Variants in B3GALT1 observed in about 807,000 individuals in gnomAD.
The protein encoded by B3GALT1 is beta-1,3-galactosyltransferase 1, also known as UDP-Gal:betaGlcNAc beta 1,3-galactosyltransferase, polypeptide 1.
In B3GALT1, 10 loss-of-function variants were observed where a neutral mutation model predicts 23.2. The ratio of observed to expected loss-of-function variants is 0.43; its 90% CI spans 0.27 to 0.73. B3GALT1 has a LOEUF of 0.73. B3GALT1 is among the 30% of genes least tolerant of loss of function. The pLI, the probability that B3GALT1 is intolerant of heterozygous loss-of-function variation, is 0.21. For synonymous variants in B3GALT1, 156 were observed against 141.5 expected (o/e 1.10, Z -0.73); for missense variants, 299 against 405.4 (o/e 0.74, Z 2.25).
intron 2 of B3GALT1, among the ~76,000 whole-genome samples, chr2:167,643,364 C>T (rs1217235003): frequency 1.3e-5 from 2 of 152,122 alleles, no homozygotes; most frequent in African/African-American, 4.8e-5. Context: ...AAAGCCATCA[C>T]AACTGTGGTT....
intron 3 of B3GALT1, among the ~76,000 whole-genome samples, chr2:167,718,530 C>T (rs547827941): frequency 6.6e-6 from 1 of 152,250 alleles, no homozygotes; most frequent in East Asian, 1.9e-4. Flanking sequence ...AGGTTCATGG[C>T]TGAGACTCCT....
At chr2:167,713,508 A>T (rs1406397874) in intron 3 of B3GALT1, among the ~76,000 whole-genome samples, 1 of 152,160 alleles carries the variant, frequency 6.6e-6, no homozygotes, top group Non-Finnish European at 1.5e-5. Context: ...TCATGTTTAA[A>T]CCATCTTTAT....
At chr2:167,856,569 T>C (rs1321813946) in intron 4 of B3GALT1, among the ~76,000 whole-genome samples, 5 of 151,930 alleles carry the variant, frequency 3.3e-5, no homozygotes, top group African/African-American at 1.2e-4. Flanking sequence ...CAGAAGGACA[T>C]GAGGGTGCAG....
chr2:167,689,681 CAG>C (rs1250615869), intron 3 of B3GALT1, among the ~76,000 whole-genome samples: 2 of 151,996 alleles, frequency 1.3e-5, no homozygotes, highest in African/African-American at 4.8e-5. Context: ...GTCGGGAAAC[CAG>C]AGTCAAAGCA....
intron 3 of B3GALT1, among the ~76,000 whole-genome samples, chr2:167,699,165 GT>G (rs1558952365): frequency 6.6e-6 from 1 of 152,020 alleles, no homozygotes; most frequent in Non-Finnish European, 1.5e-5. Flanking sequence ...GATCTGGAGG[GT>G]TTTCCCCACT....
At chr2:167,392,216 CTT>C (rs1027132902) in intron 1 of B3GALT1, among the ~76,000 whole-genome samples, 3 of 151,922 alleles carry the variant, frequency 2.0e-5, no homozygotes, top group African/African-American at 7.3e-5. Flanking sequence ...TTTCTATAAA[CTT>C]TTAACAATTA....
intron 2 of B3GALT1, among the ~76,000 whole-genome samples, chr2:167,492,147 T>C (rs1188689403): frequency 6.6e-6 from 1 of 152,196 alleles, no homozygotes; most frequent in Non-Finnish European, 1.5e-5. Context: ...CTTCTCTCCC[T>C]CCACTGAAAC....
rs555931717 is a variant in B3GALT1 at position 167,595,972 on chromosome 2, A to G, written c.-409-50937A>G. 1.2e-4 allele frequency among the ~76,000 whole-genome samples: 18 copies of G among 152,350 alleles called. No homozygotes were observed. In the South Asian group the frequency reaches 2.9e-3, roughly 25 times the overall value. On this transcript the variant is annotated intron_variant, in intron 2 of 4. Transcript: ENST00000392690. ...TACTGCTATTTTGTAAGAGAAAGGCAAAGCTCCTAGGAGCCTTCCTAGAAG... is the reference window on the plus strand; with the variant it reads ...TACTGCTATTTTGTAAGAGAAAGGCGAAGCTCCTAGGAGCCTTCCTAGAAG...
At chr2:167,375,679 C>T (rs1697751931) in intron 1 of B3GALT1, among the ~76,000 whole-genome samples, 1 of 152,046 alleles carries the variant, frequency 6.6e-6, no homozygotes, top group South Asian at 2.1e-4. Context: ...GATTTTTGTA[C>T]ATAGATTTTT....
At chr2:167,358,412 T>C (rs1423228451) in intron 1 of B3GALT1, among the ~76,000 whole-genome samples, 1 of 152,242 alleles carries the variant, frequency 6.6e-6, no homozygotes, top group East Asian at 1.9e-4. Flanking sequence ...AGGCACATTC[T>C]ACTTGATAGA....
intron 3 of B3GALT1, among the ~76,000 whole-genome samples, chr2:167,703,494 A>T (rs1377408067): frequency 1.2e-5 from 1 of 82,142 alleles, no homozygotes; most frequent in Non-Finnish European, 2.4e-5. Context: ...GTACTGAAGG[A>T]TTAAAATTAA....
At chr2:167,469,799 T>C (rs888894526) in intron 1 of B3GALT1, among the ~76,000 whole-genome samples, 2 of 149,038 alleles carry the variant, frequency 1.3e-5, no homozygotes, top group African/African-American at 5.2e-5. Context: ...ATTTAATTAA[T>C]ACATACAATC....
chr2:167,541,811 G>A (rs899662612), intron 2 of B3GALT1, among the ~76,000 whole-genome samples: 1 of 152,000 alleles, frequency 6.6e-6, no homozygotes, highest in African/African-American at 2.4e-5. Context: ...AACCTGTTTT[G>A]CATTTACATA....
chr2:167,782,800 G>A (rs1389897022), intron 3 of B3GALT1, among the ~76,000 whole-genome samples: 2 of 152,064 alleles, frequency 1.3e-5, no homozygotes, highest in African/African-American at 4.8e-5. Flanking sequence ...TCCTAAATAT[G>A]TACAGTTATA....
intron 1 of B3GALT1, among the ~76,000 whole-genome samples, chr2:167,330,162 G>T (rs1013158615): frequency 1.3e-5 from 2 of 150,278 alleles, no homozygotes; most frequent in Non-Finnish European, 2.9e-5. Flanking sequence ...CATATATTTG[G>T]TTGCTTTATG....
chr2:167,577,552 C>A (rs1684407864), intron 2 of B3GALT1, among the ~76,000 whole-genome samples: 1 of 151,634 alleles, frequency 6.6e-6, no homozygotes, highest in African/African-American at 2.4e-5. Context: ...TGAATTAATC[C>A]AGATGCATCA....
chr2:167,454,213 GCA>G lies in B3GALT1; in HGVS notation c.-510-35962_-510-35961del, dbSNP rs1559102054. Among the ~76,000 whole-genome samples, 809 of 151,836 alleles carry G rather than the reference GCA, an allele frequency of 5.3e-3. 9 individuals carry two copies. Among genetic ancestry groups the G allele is most frequent in the African/African-American group, 0.019 (774 of 41,376 alleles). ...AACAGGAAAGTGTGTGTGTGTGTGC[GCA>G]CGCGCGCGTGCACGTGTGTGCATGT... is the stretch of plus-strand genomic sequence containing the variant. On this transcript the variant is annotated intron_variant, in intron 1 of 4. Transcript: ENST00000392690.
intron 1 of B3GALT1, among the ~76,000 whole-genome samples, chr2:167,396,505 CAA>C (rs1266796250): frequency 7.3e-6 from 1 of 137,734 alleles, no homozygotes; most frequent in Non-Finnish European, 1.5e-5. Context: ...TTCTTTTAAT[CAA>C]AAGTCTGCAA....
rs1690309483 is a variant in B3GALT1, at chr2:167,869,916, A to G, written c.877A>G (p.Ser293Gly). ...CTTCAATCACTGGAAAATGGCCTAC[A>G]GTTTGTGTAGGTATCGCCGAGTTAT... ...SGFNHWKMAY[S>G]LCRYRRVITV... is the part of the protein sequence containing the mutation. The change falls in exon 5 of 5, where the codon AGT (serine) becomes GGT (glycine). Residue 293 changes from serine to glycine, a missense_variant. Coordinates refer to ENST00000392690, the MANE Select transcript of B3GALT1 (RefSeq NM_020981.4). This position sits in a 1 kb window ranked among gnomAD's most constrained non-coding sequence, Gnocchi z 6.4. 1 of 1,614,204 alleles carries G rather than the reference A, an allele frequency of 6.2e-7. No individual in the cohort carries two copies. The highest frequency in any genetic ancestry group is 8.5e-7 in the Non-Finnish European group (1 of 1,180,036).
Sources: gnomAD v4.1 joint callset for allele counts (sites outside exome capture counted in the v4.1 genomes callset) on GRCh38, gnomAD v4.1.1 for gene constraint, Gnocchi (gnomAD v3.1) non-coding constraint, MANE v1.5 for transcripts, NCBI Gene and HGNC (gene_info 2026-07-23, HGNC 2026-07-21) for gene names.